RPS6KA2: variants seen among roughly 807,000 people sequenced by gnomAD.
RPS6KA2 encodes the protein ribosomal protein S6 kinase alpha-2.
Under a neutral mutation model 91.8 loss-of-function variants are expected in RPS6KA2, and 42 were observed. That is an observed-to-expected ratio of 0.46 (90% CI 0.36 to 0.59). The LOEUF is 0.59. RPS6KA2 is among the 20% of genes least tolerant of loss of function. The pLI, the probability that RPS6KA2 is intolerant of heterozygous loss-of-function variation, is 0.00. For synonymous variants in RPS6KA2, 414 were observed against 393.6 expected (o/e 1.05, Z -0.61); for missense variants, 798 against 978.5 (o/e 0.82, Z 2.46).
intron 1 of RPS6KA2, among the ~76,000 whole-genome samples, chr6:166,576,335 C>G (rs138490285): frequency 5.8e-4 from 89 of 152,314 alleles, no homozygotes; most frequent in African/African-American, 2.0e-3. Flanking sequence ...AACTTGGTAA[C>G]AGGCAGAGGC....
chr6:166,514,327 A>C (rs1233764874), intron 3 of RPS6KA2, among the ~76,000 whole-genome samples: 1 of 152,234 alleles, frequency 6.6e-6, no homozygotes, highest in African/African-American at 2.4e-5. Flanking sequence ...TGGTGATGGC[A>C]GCAAGGGGCC....
At position 166,445,989 on chromosome 6, in the gene RPS6KA2, C is replaced by T. The variant is rs1354537032; in HGVS notation, c.1332+2735G>A. Among the ~76,000 whole-genome samples, 1 of 150,704 alleles carries T rather than the reference C, an allele frequency of 6.6e-6. No homozygotes were observed. Among genetic ancestry groups the T allele is most frequent in the East Asian group, 1.9e-4 (1 of 5,174 alleles). On this transcript the variant is annotated intron_variant, in intron 14 of 20. Transcript: ENST00000265678. The surrounding 1 kb of genome is among the most constrained non-coding windows in gnomAD (Gnocchi z 4.5). ...AGTCCATCAATAGGTGGGGATGCTG[C>T]TTCTCATGAACAAGTCAGCAGATAC...
At chr6:166,718,979 G>A (rs1394783263) in intron 2 of RPS6KA2, among the ~76,000 whole-genome samples, 1 of 150,830 alleles carries the variant, frequency 6.6e-6, no homozygotes, top group East Asian at 1.9e-4. Context: ...ACATTTAAAG[G>A]TTATTGACTT....
rs142282905 is a variant in RPS6KA2, at chr6:166,835,307, A to T, written c.123+22893T>A. Among the ~76,000 whole-genome samples, 345 of 152,316 alleles carry T rather than the reference A, an allele frequency of 2.3e-3. 4 individuals carry two copies. The highest frequency in any genetic ancestry group is 0.021 in the Admixed American group (320 of 15,300). On this transcript the variant is annotated intron_variant, in intron 2 of 21. Coordinates refer to the RPS6KA2 transcript ENST00000503859. ...TCTGAACTTCTGATTAAGTTTAGGA[A>T]TCTGTTTGCCAAATTCTGTGGAGAT...
chr6:166,762,018 G>A (rs1486433087), intron 2 of RPS6KA2, among the ~76,000 whole-genome samples: 3 of 152,212 alleles, frequency 2.0e-5, no homozygotes, highest in Non-Finnish European at 4.4e-5. Flanking sequence ...TGACCTCATG[G>A]AAAAGAAGCC....
At chr6:166,691,097 C>T (rs114035591) in intron 2 of RPS6KA2, among the ~76,000 whole-genome samples, 124 of 152,246 alleles carry the variant, frequency 8.1e-4, no homozygotes, top group African/African-American at 2.8e-3. Flanking sequence ...AAGATTCAAG[C>T]GTTGCCAACT....
chr6:166,723,704 CTTTTTT>C (rs1249150694), intron 2 of RPS6KA2, among the ~76,000 whole-genome samples: 1 of 139,650 alleles, frequency 7.2e-6, no homozygotes, highest in African/African-American at 2.7e-5. Context: ...CTTTTCTTTT[CTTTTTT>C]TTTTTTTTGA....
In RPS6KA2 at chr6:166,423,428, G is replaced by A. The variant is rs1386283235; in HGVS notation, c.1582-11C>T. 10 of 1,602,924 alleles carry A rather than the reference G, an allele frequency of 6.2e-6. No individual in the cohort carries two copies. The highest frequency in any genetic ancestry group is 7.7e-6 in the Non-Finnish European group (9 of 1,170,972). On this transcript the variant is annotated splice_polypyrimidine_tract_variant and intron_variant, in intron 16 of 20. Transcript: ENST00000265678. This position sits in a 1 kb window ranked among gnomAD's most constrained non-coding sequence, Gnocchi z 4.8. ...GTCTCGATGAACAACCTGCAAGACA[G>A]AAGGCACAGTGCCTACTTGGGGGCT...
intron 1 of RPS6KA2, among the ~76,000 whole-genome samples, chr6:166,616,113 G>A (rs1216548132): frequency 6.6e-6 from 1 of 152,156 alleles, no homozygotes; most frequent in Non-Finnish European, 1.5e-5. Context: ...GTGCCAGTCA[G>A]ACCACACCCC....
intron 2 of RPS6KA2, among the ~76,000 whole-genome samples, chr6:166,744,372 A>C (rs978745148): frequency 1.3e-5 from 2 of 152,104 alleles, no homozygotes; most frequent in African/African-American, 4.8e-5. Flanking sequence ...CGCAGACCTG[A>C]GACGCGGCCC....
rs372129159 is a variant in RPS6KA2 at position 166,754,617 on chromosome 6, A to G, written c.123+103583T>C. On this transcript the variant is annotated intron_variant, in intron 2 of 21. Coordinates refer to the RPS6KA2 transcript ENST00000503859. ...GGGGTGGGCTCTGGTTTGCATTTGA[A>G]AAGTGCACTCCTGGGTGAGTTGCCT... is the stretch of plus-strand genomic sequence containing the variant. Among the ~76,000 whole-genome samples the G allele has an allele frequency of 1.4e-4, 21 of 152,126 alleles. No individual in the cohort carries two copies. In the East Asian group the frequency reaches 3.9e-3, roughly 28 times the overall value.
At chr6:166,822,354 G>C (rs113423793) in intron 2 of RPS6KA2, among the ~76,000 whole-genome samples, 5,240 of 152,288 alleles carry the variant, frequency 0.034, 323 homozygotes, top group African/African-American at 0.12. Flanking sequence ...CTCATGAAAA[G>C]AGATTAGGGC....
intron 2 of RPS6KA2, among the ~76,000 whole-genome samples, chr6:166,692,710 G>A (rs1382566141): frequency 6.6e-6 from 1 of 152,212 alleles, no homozygotes; most frequent in East Asian, 1.9e-4. Flanking sequence ...TTCCAGAGCG[G>A]ATCAGGAACC....
intron 2 of RPS6KA2, among the ~76,000 whole-genome samples, chr6:166,655,208 G>A (rs1015339854): frequency 3.9e-5 from 6 of 151,982 alleles, no homozygotes; most frequent in South Asian, 2.1e-4. Flanking sequence ...AAAGTTCATC[G>A]GATCATAGTA....
intron 19 of RPS6KA2, among the ~76,000 whole-genome samples, chr6:166,417,649 A>ACACGCACG (rs796423387): frequency 1.4e-5 from 2 of 147,878 alleles, no homozygotes; most frequent in African/African-American, 5.1e-5. Context: ...ACACACACAC[A>ACACGCACG]CACGCACGCA....
intron 1 of RPS6KA2, among the ~76,000 whole-genome samples, chr6:166,605,660 G>A (rs576130921): frequency 2.0e-5 from 3 of 152,092 alleles, no homozygotes; most frequent in Non-Finnish European, 2.9e-5. Context: ...AAAGGGCCAC[G>A]TGAGGTGGCA....
intron 16 of RPS6KA2, among the ~76,000 whole-genome samples, chr6:166,428,322 TAAATG>T (rs1778999512): frequency 6.8e-6 from 1 of 148,102 alleles, no homozygotes; most frequent in Non-Finnish European, 1.5e-5. Flanking sequence ...ATTAAAGACT[TAAATG>T]TTAGACCTAA....
chr6:166,718,005 C>T (rs908340043), intron 2 of RPS6KA2, among the ~76,000 whole-genome samples: 9 of 152,042 alleles, frequency 5.9e-5, no homozygotes, highest in East Asian at 1.9e-4. Context: ...CCCGCTACCA[C>T]GCCCAGCTAA....
intron 5 of RPS6KA2, among the ~76,000 whole-genome samples, chr6:166,505,490 C>G (rs1175704247): frequency 6.6e-6 from 1 of 152,212 alleles, no homozygotes; most frequent in African/African-American, 2.4e-5. Context: ...TTTCTATATT[C>G]GTCAGGAGAA....
Sources: allele counts gnomAD v4.1 joint callset (sites outside exome capture counted in the v4.1 genomes callset), GRCh38; gene constraint gnomAD v4.1.1; non-coding constraint Gnocchi (gnomAD v3.1); transcripts MANE v1.5; gene names NCBI Gene and HGNC (gene_info 2026-07-23, HGNC 2026-07-21).